DPP6: variants seen among roughly 807,000 people sequenced by gnomAD.
DPP6 encodes the protein dipeptidyl peptidase like 6, also known as A-type potassium channel modulatory protein DPP6.
In DPP6, 69 loss-of-function variants were observed where a neutral mutation model predicts 122.6. The ratio of observed to expected loss-of-function variants is 0.56; its 90% CI spans 0.46 to 0.69. The LOEUF is 0.69. Among genes scored for constraint, DPP6 ranks in the 30% least tolerant of loss-of-function variants. The probability of loss-of-function intolerance (pLI) is 0.00; values close to 1 mark genes in which losing one functional copy is unlikely to be tolerated. For synonymous variants in DPP6, 418 were observed against 433.1 expected (o/e 0.97, Z 0.43); for missense variants, 928 against 1,116.9 (o/e 0.83, Z 2.41).
At chr7:154,167,549 A>G (rs1797315176) in intron 1 of DPP6, among the ~76,000 whole-genome samples, 1 of 152,004 alleles carries the variant, frequency 6.6e-6, no homozygotes, top group Non-Finnish European at 1.5e-5. Flanking sequence ...GAGGCGCTAA[A>G]CTCTTTGCGT....
At chr7:153,770,218 A>T in the DPP6 span, among the ~76,000 whole-genome samples, 1 of 152,260 alleles carries the variant, frequency 6.6e-6, no homozygotes, top group South Asian at 2.1e-4. Context: ...ATGAATACTC[A>T]TTGCAACTGG....
intron 1 of DPP6, among the ~76,000 whole-genome samples, chr7:154,057,070 C>T (rs1800888365): frequency 6.6e-6 from 1 of 152,186 alleles, no homozygotes; most frequent in African/African-American, 2.4e-5. Context: ...CTCTCTTGAT[C>T]CCAGTGGCCC....
chr7:154,228,007 C>G (rs1026759507), intron 1 of DPP6, among the ~76,000 whole-genome samples: 1 of 152,144 alleles, frequency 6.6e-6, no homozygotes, highest in African/African-American at 2.4e-5. Context: ...TCAGAAATAT[C>G]ATTAGAGATT....
At chr7:154,704,940 T>G (rs933611306) in intron 7 of DPP6, among the ~76,000 whole-genome samples, 2 of 152,192 alleles carry the variant, frequency 1.3e-5, no homozygotes, top group African/African-American at 4.8e-5. Flanking sequence ...CTTGCTATAT[T>G]GTCGAGGCTG....
the DPP6 span, among the ~76,000 whole-genome samples, chr7:153,756,202 G>T: frequency 1.3e-5 from 2 of 151,472 alleles, no homozygotes; most frequent in African/African-American, 2.4e-5. Flanking sequence ...GAATTCCCAG[G>T]TTCCCTCATC....
At position 154,330,147 on chromosome 7, in the gene DPP6, A is replaced by G. The variant is rs150680893; in HGVS notation, c.244-116067A>G. 9.9e-3 allele frequency among the ~76,000 whole-genome samples: 1,511 copies of G among 152,368 alleles called. 9 individuals carry two copies. Among genetic ancestry groups the G allele is most frequent in the Non-Finnish European group, 0.017 (1,189 of 68,030 alleles). The stretch of plus-strand genomic sequence containing the variant: ...AAACCACCATGGCACATGTATACCT[A>G]TGTAACAAACCTGCACGTTGTGCAC... On this transcript the variant is annotated intron_variant, in intron 1 of 25. Transcript: ENST00000377770.
chr7:154,656,923 G>A (rs1586823477), intron 6 of DPP6, among the ~76,000 whole-genome samples: 1 of 51,868 alleles, frequency 1.9e-5, no homozygotes, highest in African/African-American at 5.6e-5. Context: ...GAGAGGATGC[G>A]TGGGAGGAGG....
intron 1 of DPP6, among the ~76,000 whole-genome samples, chr7:154,068,452 G>A (rs1446821448): frequency 6.9e-6 from 1 of 144,268 alleles, no homozygotes; most frequent in Non-Finnish European, 1.5e-5. Context: ...CTACCTCTAA[G>A]AAAGCAAAAA....
intron 4 of DPP6, among the ~76,000 whole-genome samples, chr7:154,557,986 T>C (rs1830162474): frequency 6.6e-6 from 1 of 152,142 alleles, no homozygotes. Context: ...CTGGGGTACA[T>C]GTGCAGAATG....
chr7:154,181,447 C>G (rs1352650134), intron 1 of DPP6, among the ~76,000 whole-genome samples: 1 of 152,096 alleles, frequency 6.6e-6, no homozygotes, highest in African/African-American at 2.4e-5. Context: ...AGACATGACC[C>G]TCTCCAATGT....
chr7:154,023,379 C>T (rs1798812097), intron 1 of DPP6, among the ~76,000 whole-genome samples: 1 of 147,820 alleles, frequency 6.8e-6, no homozygotes, highest in Non-Finnish European at 1.5e-5. Context: ...GTCTGCATTC[C>T]CCAAATAATA....
At chr7:154,880,757 C>A in intron 20 of DPP6, 131 bp from the exon 21 acceptor site, 2 of 1,474,188 alleles carry the variant, frequency 1.4e-6, no homozygotes, top group Non-Finnish European at 1.9e-6. Context: ...TATTGGAATG[C>A]TAAGGTTGCT....
chr7:154,633,467 C>G (rs950411689), intron 5 of DPP6, among the ~76,000 whole-genome samples: 2 of 152,184 alleles, frequency 1.3e-5, no homozygotes, highest in Admixed American at 1.3e-4. Flanking sequence ...AACTCCTGAC[C>G]TCAGGTGATC....
At chr7:154,566,319 T>A (rs1830743486) in intron 4 of DPP6, among the ~76,000 whole-genome samples, 1 of 152,206 alleles carries the variant, frequency 6.6e-6, no homozygotes, top group Non-Finnish European at 1.5e-5. Flanking sequence ...TTCACTCTTG[T>A]TGCCCAGGCT....
chr7:154,494,849 CGTT>C (rs1446500271), intron 3 of DPP6, among the ~76,000 whole-genome samples: 3 of 152,044 alleles, frequency 2.0e-5, no homozygotes, highest in Non-Finnish European at 4.4e-5. Context: ...CATGTATAGA[CGTT>C]GTCCTCAGGT....
At chr7:154,253,392 G>T (rs1378538571) in intron 1 of DPP6, among the ~76,000 whole-genome samples, 1 of 152,172 alleles carries the variant, frequency 6.6e-6, no homozygotes, top group African/African-American at 2.4e-5. Flanking sequence ...GCAGGGGAAA[G>T]CCTGTCAAGA....
At chr7:154,748,135 C>T (rs1390270078) in intron 8 of DPP6, among the ~76,000 whole-genome samples, 1 of 152,138 alleles carries the variant, frequency 6.6e-6, no homozygotes, top group Admixed American at 6.5e-5. Context: ...AAGGCGCCCA[C>T]GTGGTGGACA....
At chr7:154,280,531 C>A (rs1030777099) in intron 1 of DPP6, among the ~76,000 whole-genome samples, 3 of 152,144 alleles carry the variant, frequency 2.0e-5, no homozygotes, top group African/African-American at 7.2e-5. Context: ...ACATATCCAG[C>A]GCAGAGCTTG....
intron 1 of DPP6, among the ~76,000 whole-genome samples, chr7:154,061,773 G>A (rs72505526): frequency 0.027 from 3,497 of 129,102 alleles, 92 homozygotes; most frequent in African/African-American, 0.059. Context: ...CACCCCCATC[G>A]CAGGGAGGGA....
Sources: gnomAD v4.1 joint callset for allele counts (sites outside exome capture counted in the v4.1 genomes callset) on GRCh38, gnomAD v4.1.1 for gene constraint, MANE v1.5 for transcripts, NCBI Gene and HGNC (gene_info 2026-07-23, HGNC 2026-07-21) for gene names.